The following LTBP4 variants were observed in gnomAD, a reference collection of about 807,000 sequenced individuals.
The protein encoded by LTBP4 is latent-transforming growth factor beta-binding protein 4.
In LTBP4, 93 loss-of-function variants were observed where a neutral mutation model predicts 180.2. The ratio of observed to expected loss-of-function variants is 0.52; its 90% confidence interval spans 0.44 to 0.61. The LOEUF (loss-of-function observed/expected upper bound fraction) is 0.61. Among genes scored for constraint, LTBP4 ranks in the 20% least tolerant of loss-of-function variants. The pLI is 0.00. For missense variants in LTBP4, 2,116 were observed against 2,256.5 expected, an observed-to-expected ratio of 0.94 and a Z score of 1.26; for synonymous variants, 947 against 934.5, an observed-to-expected ratio of 1.01 and a Z score of -0.24.
chr19:40,611,945 A>G lies in LTBP4; in HGVS notation c.2140A>G (p.Met714Val), dbSNP rs200380847. ...TEGSFQCVCP[M>V]GFQPNTAGSE... ...AGGCAGCTTCCAGTGTGTCTGCCCC[A>G]TGGGCTTCCAACCCAACACTGCTGG... The change falls in exon 14 of 30, where the codon ATG becomes GTG. Residue 714 changes from methionine to valine, a missense_variant. Physicochemically the swap from Met to Val is conservative, Grantham distance 21. Around this residue, in one of 5 missense-constraint regions of LTBP4, gnomAD observed 877 missense variants for 873.6 expected, o/e 1.00. Coordinates refer to ENST00000396819, the MANE Select transcript of LTBP4 (RefSeq NM_001042545.2). This position sits in a 1 kb window ranked among gnomAD's most constrained non-coding sequence, Gnocchi z 4.4. 209 of 1,611,352 alleles carry G rather than the reference A, an allele frequency of 1.3e-4. No homozygotes were observed. The highest frequency in any genetic ancestry group is 1.7e-5 in the Admixed American group (1 of 59,736).
chr19:40,600,454 G>C (rs1027113418), upstream of LTBP4, among the ~76,000 whole-genome samples: 1 of 152,220 alleles, frequency 6.6e-6, no homozygotes, highest in African/African-American at 2.4e-5. The surrounding 1 kb of genome is among the most constrained non-coding windows in gnomAD (Gnocchi z 4.4). Context: ...GCGCTGGCCC[G>C]TTAGAAAGCT....
chr19:40,606,476 G>A lies in LTBP4; in HGVS notation c.941G>A (p.Cys314Tyr), dbSNP rs765270856. 1 of 1,582,014 alleles carries A rather than the reference G, an allele frequency of 6.3e-7. No individual in the cohort carries two copies. The highest frequency in any genetic ancestry group is 8.6e-7 in the Non-Finnish European group (1 of 1,165,332). ...ECANTRGGYT[C>Y]VCPDGFLLDS... ...GCAAACACGCGCGGCGGGTACACGT[G>A]TGTGTGCCCCGACGGCTTTCTGCTC... Residue 314 changes from cysteine to tyrosine, a missense_variant, in exon 6 of 30, where the codon TGT becomes TAT. Physicochemically the swap from Cys to Tyr is radical, Grantham distance 194. Around this residue, in one of 5 missense-constraint regions of LTBP4, gnomAD observed 469 missense variants for 532.5 expected, o/e 0.88. Coordinates refer to ENST00000396819, the MANE Select transcript of LTBP4 (RefSeq NM_001042545.2).
chr19:40,625,295 TATATATATA>T (rs2081622861), intron 26 of LTBP4, among the ~76,000 whole-genome samples: 3 of 15,034 alleles, frequency 2.0e-4, no homozygotes, highest in African/African-American at 1.6e-3. Flanking sequence ...TATATATATA[TATATATATA>T]TATATATATA....
intron 12 of LTBP4, 190 bp from the exon 13 acceptor site, chr19:40,610,962 G>A (rs183374729): frequency 2.5e-6 from 2 of 809,230 alleles, no homozygotes; most frequent in African/African-American, 1.7e-5. Flanking sequence ...CCTTCTCATG[G>A]GGACTACAGA....
rs745626195 is a variant in LTBP4, at chr19:40,611,398, A to AGGGT, written c.2053+6_2053+9dup. 1 of 1,602,488 alleles carries AGGGT rather than the reference A, an allele frequency of 6.2e-7. No individual in the cohort carries two copies. The highest frequency in any genetic ancestry group is 1.1e-5 in the South Asian group (1 of 90,744). On this transcript the variant is annotated splice_donor_region_variant and intron_variant, in intron 13 of 29. Coordinates refer to ENST00000396819, the MANE Select transcript of LTBP4 (RefSeq NM_001042545.2). This position sits in a 1 kb window ranked among gnomAD's most constrained non-coding sequence, Gnocchi z 4.4. ...GGGCCCGGGGCCCCCTGCCAAGGTG[A>AGGGT]GGGTGCTGAGCCCAGCCCTACTCCA...
intron 1 of LTBP4, 41 bp downstream of exon 1, chr19:40,601,678 G>A (rs1599858545): frequency 1.5e-6 from 2 of 1,304,802 alleles, no homozygotes; most frequent in Non-Finnish European, 2.0e-6. Context: ...GGCTCCGGGG[G>A]GGAGGAGGAT....
rs1307462138 is a variant in LTBP4, at chr19:40,627,202, G to A, written c.4213G>A (p.Asp1405Asn). The A allele has an allele frequency of 6.2e-7, 1 of 1,610,788 alleles. No homozygotes were observed. The highest frequency in any genetic ancestry group is 8.5e-7 in the Non-Finnish European group (1 of 1,178,826). Residue 1405 changes from aspartate to asparagine, a missense_variant, in exon 28 of 30, where the codon GAC (aspartate) becomes AAC (asparagine). Around this residue, in one of 5 missense-constraint regions of LTBP4, gnomAD observed 488 missense variants for 458.8 expected, o/e 1.06. Transcript: ENST00000396819. ...GGCTCCTTATGGGGCACCCCGCTTC[G>A]ACATGCCAGACTTTGAGGACGATGG... ...REAPYGAPRFDMPDFEDDGGP... is the reference protein window; with the variant it reads ...REAPYGAPRFNMPDFEDDGGP...
At chr19:40,617,352 A>G in intron 21 of LTBP4, 127 bp downstream of exon 21, 2 of 1,290,122 alleles carry the variant, frequency 1.6e-6, no homozygotes, top group Non-Finnish European at 2.1e-6. Context: ...GGAATATAAG[A>G]TCATCTTCAT....
At position 40,625,960 on chromosome 19, in the gene LTBP4, T is replaced by C. The variant is rs1316181748; in HGVS notation, c.3936T>C (p.Tyr1312=). Residue 1312 remains tyrosine (Y), a synonymous_variant, in exon 27 of 30, where the codon TAT becomes TAC. Coordinates refer to ENST00000396819, the MANE Select transcript of LTBP4 (RefSeq NM_001042545.2). ...CCTACACAGAGTGCTGCTGCCTGTA[T>C]GGAGAGGCCTGGGGCATGGACTGCG... ...QATYTECCCL[Y]GEAWGMDCAL... is the part of the protein sequence containing the mutation. 2 of 1,608,694 alleles carry C rather than the reference T, an allele frequency of 1.2e-6. No homozygotes were observed. The highest frequency in any genetic ancestry group is 2.2e-5 in the South Asian group (2 of 89,796).
rs755624885 is a variant in LTBP4 at position 40,609,541 on chromosome 19, G to C, written c.1438G>C (p.Gly480Arg). ...ACTGGACCCCCCAGGTCCCTCCTCCGGCATGTGTCAGCGCAACCCCCAGGT... is the reference window on the plus strand; with the variant it reads ...ACTGGACCCCCCAGGTCCCTCCTCCCGCATGTGTCAGCGCAACCCCCAGGT... Reference protein sequence around the residue: ...PEIPESGPSSGMCQRNPQVCG... With the variant: ...PEIPESGPSSRMCQRNPQVCG... The change falls in exon 10 of 30, where the codon GGC becomes CGC. Residue 480 changes from glycine to arginine, a missense_variant. Physicochemically the swap from Gly to Arg is moderately radical, Grantham distance 125. Coordinates refer to ENST00000396819, the MANE Select transcript of LTBP4 (RefSeq NM_001042545.2). This position sits in a 1 kb window ranked among gnomAD's most constrained non-coding sequence, Gnocchi z 4.9. The C allele has an allele frequency of 1.9e-6, 3 of 1,613,014 alleles. No individual in the cohort carries two copies. Among genetic ancestry groups the C allele is most frequent in the Non-Finnish European group, 1.7e-6 (2 of 1,179,612 alleles).
At position 40,601,501 on chromosome 19, in the gene LTBP4, G is replaced by T; in HGVS notation, c.114G>T (p.Pro38=). ...LGERLRVRFT[P]VVCGLRCVHG... is the part of the protein sequence containing the mutation. ...AGCGTCTCCGCGTGCGCTTCACCCC[G>T]GTCGTGTGCGGCCTGCGCTGCGTCC... Residue 38 remains proline (P), a synonymous_variant, in exon 1 of 30, where the codon CCG becomes CCT. Transcript: ENST00000396819. 1 of 1,497,320 alleles carries T rather than the reference G, an allele frequency of 6.7e-7. No individual in the cohort carries two copies. The highest frequency in any genetic ancestry group is 1.3e-5 in the South Asian group (1 of 79,912). The allele number at this position is 1,497,320 out of a possible 1,614,324, so 92.8% of individuals were successfully genotyped here.
chr19:40,627,142 T>C lies in LTBP4; in HGVS notation c.4153T>C (p.Tyr1385His). 1.2e-6 allele frequency: 2 copies of C among 1,613,608 alleles called. No homozygotes were observed. Among genetic ancestry groups the C allele is most frequent in the South Asian group, 1.1e-5 (1 of 91,042 alleles). Residue 1385 changes from tyrosine (Y) to histidine (H), a missense_variant, in exon 28 of 30, where the codon TAC (tyrosine) becomes CAC (histidine). By Grantham distance (83) the Tyr-to-His change is moderately conservative. Transcript: ENST00000396819. ...ACCACCTGCGCTACCCTACGACCCC[T>C]ACCCACCGCCACCTGGGCCCTTCGC... ...YPPPALPYDP[Y>H]PPPPGPFARR...
Position 40,605,702 on chromosome 19 carries a change from G to A in LTBP4, c.691-27G>A, listed in dbSNP as rs1018781616. On this transcript the variant is annotated intron_variant, in intron 3 of 29. Coordinates refer to ENST00000396819, the MANE Select transcript of LTBP4 (RefSeq NM_001042545.2). This position sits in a 1 kb window ranked among gnomAD's most constrained non-coding sequence, Gnocchi z 5.5. ...GCCCGGAGCTTGCCTCCGCGCGGGG[G>A]CGCGCTCACCCAACACTTCCCCGCA... 1.3e-6 allele frequency: 2 copies of A among 1,547,336 alleles called. No individual in the cohort carries two copies. Among genetic ancestry groups the A allele is most frequent in the Middle Eastern group, 1.8e-4 (1 of 5,694 alleles).
In LTBP4 at chr19:40,626,026, A is replaced by T. The variant is rs369812570; in HGVS notation, c.3985+17A>T. The T allele has an allele frequency of 5.6e-5, 89 of 1,580,686 alleles. No individual in the cohort carries two copies. In the African/African-American group the frequency reaches 1.2e-3, roughly 20 times the overall value. On this transcript the variant is annotated intron_variant, in intron 27 of 29. Coordinates refer to ENST00000396819, the MANE Select transcript of LTBP4 (RefSeq NM_001042545.2). ...AGGACTCAGGTGCTGGCACTGGCCT[A>T]GGCTGAACTCAGAGGCCTTGCCCCA...
At chr19:40,600,041 G>T (rs1225574350), upstream of LTBP4, 2 of 1,193,812 alleles carry the variant, frequency 1.7e-6, no homozygotes, top group Non-Finnish European at 2.1e-6. The surrounding 1 kb of genome is among the most constrained non-coding windows in gnomAD (Gnocchi z 4.4). Flanking sequence ...CCCGGTGACA[G>T]CAGCTTTTCC....
chr19:40,599,310 G>GCAAAA, upstream of LTBP4: 1 of 1,612,684 alleles, frequency 6.2e-7, no homozygotes, highest in Non-Finnish European at 8.5e-7. Context: ...AGGAGGAGAG[G>GCAAAA]GGCAGGGAGC....
intron 27 of LTBP4, 128 bp downstream of exon 27, chr19:40,626,137 T>A: frequency 9.6e-7 from 1 of 1,041,520 alleles, no homozygotes; most frequent in Non-Finnish European, 1.3e-6. Flanking sequence ...AACCCCTATG[T>A]CGCAGCCCAT....
chr19:40,624,138 C>A, intron 26 of LTBP4, 56 bp downstream of exon 26: 1 of 1,466,662 alleles, frequency 6.8e-7, no homozygotes, highest in East Asian at 2.5e-5. Flanking sequence ...CTCACACCCG[C>A]ACCCGGGCCA....
chr19:40,614,071 C>T (rs1293751291), intron 18 of LTBP4, 33 bp downstream of exon 18: 1 of 1,606,952 alleles, frequency 6.2e-7, no homozygotes, highest in Non-Finnish European at 8.5e-7. Context: ...GATCCCTCCT[C>T]CCTTCGACTC....
Sources: gnomAD v4.1 joint callset for allele counts (sites outside exome capture counted in the v4.1 genomes callset) on GRCh38, gnomAD v4.1.1 for gene constraint, gnomAD v4.1.1 regional missense constraint, Gnocchi (gnomAD v3.1) non-coding constraint, MANE v1.5 for transcripts, NCBI Gene and HGNC (gene_info 2026-07-23, HGNC 2026-07-21) for gene names.